The following UBE2O variants were observed in gnomAD, a reference collection of about 807,000 sequenced individuals.
UBE2O encodes (E3-independent) E2 ubiquitin-conjugating enzyme.
A neutral mutation model predicts 125.8 loss-of-function variants in UBE2O; 15 were observed. The ratio of observed to expected loss-of-function variants is 0.12; its 90% CI spans 0.08 to 0.18. The LOEUF (loss-of-function observed/expected upper bound fraction) is 0.18, where lower values mean the gene tolerates loss of function less well. Ranked by LOEUF, UBE2O falls within the 10% of genes least tolerant of loss-of-function variation. UBE2O has a pLI of 1.00. For missense variants in UBE2O, 1,280 were observed against 1,723.6 expected (o/e 0.74, Z 4.56); for synonymous variants, 708 against 703.2 (o/e 1.01, Z -0.11).
rs762548653 is a variant in UBE2O, at chr17:76,433,509, C to T, written c.417+19216G>A. Among the ~76,000 whole-genome samples, 6 of 150,950 alleles carry T rather than the reference C, an allele frequency of 4.0e-5. No individual in the cohort carries two copies. The East Asian group carries it at 5.8e-4, about 15-fold the overall frequency. ...ATGAAAATGTTCTAAAATTAGATAG[C>T]GGTGATGACCGTACAACCGTTTGAG... is the stretch of plus-strand genomic sequence containing the variant. On this transcript the variant is annotated intron_variant, in intron 1 of 17. Coordinates refer to ENST00000319380, the MANE Select transcript of UBE2O (RefSeq NM_022066.4).
chr17:76,449,220 G>GA lies in UBE2O; in HGVS notation c.417+3504dup, dbSNP rs146368524. 3.1e-3 allele frequency among the ~76,000 whole-genome samples: 479 copies of GA among 152,274 alleles called. 5 individuals are homozygous for GA. Among genetic ancestry groups the GA allele is most frequent in the African/African-American group, 0.011 (453 of 41,566 alleles). ...TACTCATTGCCCTCCAATTTACAGA[G>GA]AAAACTACAAAAATACGCCACACCC... On this transcript the variant is annotated intron_variant, in intron 1 of 17. Transcript: ENST00000319380.
In UBE2O at chr17:76,405,500, A is replaced by T. The variant is rs371519187; in HGVS notation, c.477+13T>A. ...CCCCAGGCCCGGGGCTGGGGTGGGG[A>T]CGCAGGACTCACGGTGGATCGCATG... On this transcript the variant is annotated intron_variant, in intron 2 of 17. Coordinates refer to ENST00000319380, the MANE Select transcript of UBE2O (RefSeq NM_022066.4). The surrounding 1 kb of genome is among the most constrained non-coding windows in gnomAD (Gnocchi z 6.1). 67 of 1,594,122 alleles carry T rather than the reference A, an allele frequency of 4.2e-5. No individual in the cohort carries two copies. Among genetic ancestry groups the T allele is most frequent in the South Asian group, 2.2e-4 (19 of 87,634 alleles).
chr17:76,394,879 A>G, intron 15 of UBE2O, among the ~76,000 whole-genome samples: 1 of 142,250 alleles, frequency 7.0e-6, no homozygotes, highest in South Asian at 2.2e-4. Flanking sequence ...ATTTCAAAGT[A>G]ATTTTTTTTT....
chr17:76,407,856 T>G (rs2072450859), intron 1 of UBE2O, among the ~76,000 whole-genome samples: 1 of 152,256 alleles, frequency 6.6e-6, no homozygotes, highest in African/African-American at 2.4e-5. Context: ...ACCAGGATGC[T>G]GCCTCCAGGG....
intron 1 of UBE2O, among the ~76,000 whole-genome samples, chr17:76,420,943 C>A (rs565405672): frequency 2.7e-4 from 41 of 152,304 alleles, no homozygotes; most frequent in East Asian, 3.9e-4. Flanking sequence ...TTCAGCCCCC[C>A]ACATCCCTGC....
At position 76,390,344 on chromosome 17, in the gene UBE2O, C is replaced by T. The variant is rs1422228350; in HGVS notation, c.*599G>A. The stretch of plus-strand genomic sequence containing the variant: ...TCTCTTAGAGAGCAAGTTCAACAGG[C>T]CTGAGGGCTATAACGTGGTCGACAG... On this transcript the variant is annotated 3_prime_UTR_variant, in exon 18 of 18. Coordinates refer to ENST00000319380, the MANE Select transcript of UBE2O (RefSeq NM_022066.4). 6.5e-6 allele frequency: 1 copy of T among 152,870 alleles called. No individual in the cohort carries two copies. The highest frequency in any genetic ancestry group is 1.5e-5 in the Non-Finnish European group (1 of 68,350). 9.5% of individuals were successfully genotyped at this position (152,870 alleles called of 1,614,324 possible).
intron 1 of UBE2O, among the ~76,000 whole-genome samples, chr17:76,416,919 C>CA (rs1028535370): frequency 6.6e-6 from 1 of 152,210 alleles, no homozygotes; most frequent in African/African-American, 2.4e-5. Flanking sequence ...TGCAGTGAGA[C>CA]AAAGCTGCGG....
chr17:76,396,759 G>C lies in UBE2O; in HGVS notation c.2178C>G (p.Thr726=). 1.2e-6 allele frequency: 2 copies of C among 1,613,572 alleles called. No homozygotes were observed. The highest frequency in any genetic ancestry group is 1.7e-6 in the Non-Finnish European group (2 of 1,179,710). Residue 726 remains threonine, a synonymous_variant, in exon 14 of 18, where the codon ACC becomes ACG. Coordinates refer to ENST00000319380, the MANE Select transcript of UBE2O (RefSeq NM_022066.4). The surrounding 1 kb of genome is among the most constrained non-coding windows in gnomAD (Gnocchi z 6.7). ...ESDYDSVEGS[T]SGASSDEWED... ...CCCATTCATCCGAGGATGCCCCGCT[G>C]GTGCTGCCTTCTACCGAATCGTAGT...
chr17:76,434,143 T>A (rs960307543), intron 1 of UBE2O, among the ~76,000 whole-genome samples: 1 of 152,178 alleles, frequency 6.6e-6, no homozygotes, highest in Non-Finnish European at 1.5e-5. Context: ...CGTAAGCCTC[T>A]CTGGGCCTGA....
At chr17:76,429,124 A>G (rs2143838042) in intron 1 of UBE2O, among the ~76,000 whole-genome samples, 1 of 151,358 alleles carries the variant, frequency 6.6e-6, no homozygotes, top group Admixed American at 6.6e-5. Flanking sequence ...CTGGTCTCGA[A>G]CTCCTGACCT....
At chr17:76,431,541 T>G (rs1411118783) in intron 1 of UBE2O, among the ~76,000 whole-genome samples, 2 of 152,056 alleles carry the variant, frequency 1.3e-5, no homozygotes, top group Non-Finnish European at 1.5e-5. Context: ...AATCACAAAT[T>G]CAAAAATTAG....
intron 1 of UBE2O, among the ~76,000 whole-genome samples, chr17:76,428,707 G>A (rs2072853620): frequency 6.6e-6 from 1 of 152,150 alleles, no homozygotes; most frequent in Non-Finnish European, 1.5e-5. Flanking sequence ...AGAGATCTTT[G>A]TGGTGATGGA....
intron 13 of UBE2O, among the ~76,000 whole-genome samples, chr17:76,397,077 C>T (rs929496735): frequency 6.6e-6 from 1 of 152,230 alleles, no homozygotes; most frequent in African/African-American, 2.4e-5. Flanking sequence ...AGCCTCTCCT[C>T]CTGCTCTGTG....
intron 1 of UBE2O, among the ~76,000 whole-genome samples, chr17:76,451,960 A>G (rs1276703822): frequency 6.6e-6 from 1 of 152,174 alleles, no homozygotes; most frequent in Non-Finnish European, 1.5e-5. Flanking sequence ...TGTCTGCTTA[A>G]CAGCTTCAGG....
chr17:76,439,323 C>T (rs539149607), intron 1 of UBE2O, among the ~76,000 whole-genome samples: 13 of 152,222 alleles, frequency 8.5e-5, no homozygotes, highest in Non-Finnish European at 1.5e-4. Context: ...ACTCTCTCAC[C>T]TGACTTCTTC....
intron 1 of UBE2O, among the ~76,000 whole-genome samples, chr17:76,417,558 T>A (rs1196026016): frequency 6.6e-6 from 1 of 152,218 alleles, no homozygotes; most frequent in Non-Finnish European, 1.5e-5. Context: ...CTCCTTTTTA[T>A]GAGTGTGGAC....
chr17:76,401,127 A>C lies in UBE2O; in HGVS notation c.778T>G (p.Phe260Val). 6.2e-7 allele frequency: 1 copy of C among 1,613,818 alleles called. No individual in the cohort carries two copies. Among genetic ancestry groups the C allele is most frequent in the Non-Finnish European group, 8.5e-7 (1 of 1,180,022 alleles). Residue 260 changes from phenylalanine to valine, a missense_variant, in exon 6 of 18, where the codon TTC (phenylalanine) becomes GTC (valine). Around this residue, in one of 10 missense-constraint regions of UBE2O, gnomAD observed 206 missense variants for 315.7 expected, o/e 0.65. Transcript: ENST00000319380. ...CCAATGAGCACCTGGCCTGGGTAGA[A>C]GCCATAGGAATCATCGAAGAAGAGA... Reference protein sequence around the residue: ...SGLFFDDSYGFYPGQVLIGPA... With the variant: ...SGLFFDDSYGVYPGQVLIGPA...
intron 1 of UBE2O, chr17:76,430,509 C>A: frequency 3.9e-6 from 1 of 257,820 alleles, no homozygotes; most frequent in Non-Finnish European, 7.7e-6. Context: ...TTCTTCATTC[C>A]ACTTTGTGGA....
At position 76,390,986 on chromosome 17, in the gene UBE2O, G is replaced by A; in HGVS notation, c.3836C>T (p.Ala1279Val). The change falls in exon 18 of 18, where the codon GCC becomes GTC. Residue 1279 changes from alanine to valine, a missense_variant. Around this residue, in one of 10 missense-constraint regions of UBE2O, gnomAD observed 233 missense variants for 279.0 expected, o/e 0.84. Coordinates refer to ENST00000319380, the MANE Select transcript of UBE2O (RefSeq NM_022066.4). ...CTCCGGCATGCCTGCCTCTAGCAGG[G>A]CAGCCCGGAACTGCGTCAGGACACC... is the stretch of plus-strand genomic sequence containing the variant. Reference protein sequence around the residue: ...IRGVLTQFRAALLEAGMPECT... With the variant: ...IRGVLTQFRAVLLEAGMPECT... The A allele has an allele frequency of 6.2e-7, 1 of 1,613,088 alleles. No homozygotes were observed. Among genetic ancestry groups the A allele is most frequent in the Non-Finnish European group, 8.5e-7 (1 of 1,179,676 alleles).
Sources: allele counts gnomAD v4.1 joint callset (sites outside exome capture counted in the v4.1 genomes callset), GRCh38; gene constraint gnomAD v4.1.1; regional missense constraint gnomAD v4.1.1; non-coding constraint Gnocchi (gnomAD v3.1); transcripts MANE v1.5; gene names NCBI Gene and HGNC (gene_info 2026-07-23, HGNC 2026-07-21).